Variants in FOXP1 observed in about 807,000 individuals in gnomAD.
FOXP1 encodes forkhead box protein P1.
FOXP1 carries 15 observed loss-of-function variants against 98.2 expected under a neutral mutation model. The observed-to-expected ratio is 0.15, with a 90% confidence interval of 0.10 to 0.24. The LOEUF (loss-of-function observed/expected upper bound fraction) is 0.24. Among genes scored for constraint, FOXP1 ranks in the 10% least tolerant of loss-of-function variants. FOXP1 has a pLI of 1.00. For synonymous variants in FOXP1, 371 were observed against 314.5 expected (o/e 1.18, Z -1.90); for missense variants, 633 against 848.5 (o/e 0.75, Z 3.15).
At chr3:71,374,946 A>C (rs576330885) in intron 3 of FOXP1, among the ~76,000 whole-genome samples, 6 of 152,234 alleles carry the variant, frequency 3.9e-5, no homozygotes, top group Admixed American at 6.5e-5. Flanking sequence ...TTGAACAAGA[A>C]GACTACCTGG....
chr3:71,559,610 G>T (rs1477638023), intron 2 of FOXP1, among the ~76,000 whole-genome samples: 1 of 152,194 alleles, frequency 6.6e-6, no homozygotes, highest in African/African-American at 2.4e-5. Context: ...TTGGGAGGCT[G>T]AAGCAGGGAC....
intron 11 of FOXP1, among the ~76,000 whole-genome samples, chr3:71,033,171 T>C (rs927434955): frequency 4.6e-5 from 7 of 152,058 alleles, no homozygotes; most frequent in Non-Finnish European, 8.8e-5. Flanking sequence ...CGCAAATACT[T>C]GCAAAATGCC....
At chr3:71,140,989 C>G (rs2060040842) in intron 6 of FOXP1, among the ~76,000 whole-genome samples, 1 of 151,742 alleles carries the variant, frequency 6.6e-6, no homozygotes, top group Non-Finnish European at 1.5e-5. Context: ...GTGATCCAGG[C>G]TGGGCGTGGT....
chr3:71,057,102 G>A (rs538905326), intron 7 of FOXP1, among the ~76,000 whole-genome samples: 3 of 152,138 alleles, frequency 2.0e-5, no homozygotes, highest in East Asian at 1.9e-4. Context: ...TCTGGAAAGC[G>A]GCTAAAGGCA....
At chr3:71,209,693 T>G (rs1443007752) in intron 5 of FOXP1, among the ~76,000 whole-genome samples, 1 of 152,182 alleles carries the variant, frequency 6.6e-6, no homozygotes, top group Non-Finnish European at 1.5e-5. Context: ...CTCTAAAAAT[T>G]TCCCTGATGT....
chr3:70,976,242 C>T (rs548417948), intron 17 of FOXP1, among the ~76,000 whole-genome samples: 1 of 151,928 alleles, frequency 6.6e-6, no homozygotes, highest in Non-Finnish European at 1.5e-5. Flanking sequence ...TTTGTAGAGA[C>T]AGGGTCTCGC....
intron 3 of FOXP1, among the ~76,000 whole-genome samples, chr3:71,372,329 ATTCT>A (rs2079398193): frequency 6.6e-6 from 1 of 152,102 alleles, no homozygotes; most frequent in Non-Finnish European, 1.5e-5. Context: ...GCCGAGGATC[ATTCT>A]TTAAGTCTTA....
chr3:71,536,655 G>A (rs1210213880), intron 2 of FOXP1, among the ~76,000 whole-genome samples: 2 of 147,868 alleles, frequency 1.4e-5, no homozygotes, highest in East Asian at 2.0e-4. Context: ...TAAAATCCTC[G>A]CATATAAAGG....
At position 71,112,572 on chromosome 3, in the gene FOXP1, T is replaced by G; in HGVS notation, c.246A>C (p.Lys82Asn). ...GTTGTTTGTCATTCCTCTTGGGAGATTTTAATCCACTAACTTGCTGCTGCT... is the reference window on the plus strand; with the variant it reads ...GTTGTTTGTCATTCCTCTTGGGAGAGTTTAATCCACTAACTTGCTGCTGCT... ...QQQQQQVSGL[K>N]SPKRNDKQPA... The change falls in exon 7 of 21, where the codon AAA becomes AAC. Residue 82 changes from lysine to asparagine, a missense_variant. Lys to Asn is a moderately conservative substitution (Grantham distance 94). This residue lies in a region of FOXP1 where 210 missense variants were observed against 270.6 expected (regional missense o/e 0.78). Transcript: ENST00000649528. The G allele has an allele frequency of 6.2e-7, 1 of 1,614,020 alleles. No homozygotes were observed. The highest frequency in any genetic ancestry group is 1.1e-5 in the South Asian group (1 of 91,074).
At chr3:71,312,344 T>C (rs1007864439) in intron 4 of FOXP1, among the ~76,000 whole-genome samples, 2 of 151,918 alleles carry the variant, frequency 1.3e-5, no homozygotes, top group Admixed American at 6.6e-5. Context: ...GGCAGCAGGG[T>C]GGAGGTATAG....
intron 2 of FOXP1, among the ~76,000 whole-genome samples, chr3:71,515,548 T>C (rs1404965061): frequency 1.3e-5 from 2 of 151,540 alleles, no homozygotes; most frequent in Non-Finnish European, 2.9e-5. Context: ...ACTATAATGA[T>C]CGGAGACAGG....
intron 5 of FOXP1, among the ~76,000 whole-genome samples, chr3:71,257,773 AAAC>A (rs1422393962): frequency 1.3e-5 from 2 of 152,150 alleles, no homozygotes; most frequent in African/African-American, 4.8e-5. Flanking sequence ...ATTGTGGTGA[AAAC>A]AACATGGACT....
chr3:71,062,804 A>G (rs936459813), intron 7 of FOXP1, among the ~76,000 whole-genome samples: 7 of 152,210 alleles, frequency 4.6e-5, no homozygotes, highest in Non-Finnish European at 8.8e-5. Flanking sequence ...CTTTCCTTCT[A>G]TAAGTCGTTC....
intron 5 of FOXP1, among the ~76,000 whole-genome samples, chr3:71,252,593 G>A (rs1438911134): frequency 6.6e-6 from 1 of 152,314 alleles, no homozygotes; most frequent in South Asian, 2.1e-4. Context: ...GGCCCCCTGA[G>A]TGCCAACTTC....
chr3:71,490,699 T>G (rs1202481591), intron 3 of FOXP1, among the ~76,000 whole-genome samples: 2 of 152,218 alleles, frequency 1.3e-5, no homozygotes, highest in Non-Finnish European at 2.9e-5. Flanking sequence ...AGATATCATT[T>G]TCATTATAGT....
chr3:71,536,367 A>T (rs1360713688), intron 2 of FOXP1, among the ~76,000 whole-genome samples: 1 of 152,108 alleles, frequency 6.6e-6, no homozygotes, highest in Non-Finnish European at 1.5e-5. Context: ...AAATGCTCAG[A>T]GGGTCTATGT....
chr3:71,501,293 C>CTT (rs763654842), intron 2 of FOXP1, among the ~76,000 whole-genome samples: 51 of 129,706 alleles, frequency 3.9e-4, no homozygotes, highest in Non-Finnish European at 5.3e-4. Context: ...AAATGCTTTT[C>CTT]TTTTTTTTTT....
intron 4 of FOXP1, among the ~76,000 whole-genome samples, chr3:71,336,543 T>C (rs2076695236): frequency 6.6e-6 from 1 of 152,216 alleles, no homozygotes. Flanking sequence ...AGTCAACTCA[T>C]TATTTTGAAA....
intron 4 of FOXP1, among the ~76,000 whole-genome samples, chr3:71,327,050 C>T (rs13075274): frequency 0.62 from 94,443 of 151,836 alleles, 31,475 homozygotes; most frequent in East Asian, 0.9. Flanking sequence ...TAAAGTTGAA[C>T]TGCACTGCCC....
Sources: allele counts gnomAD v4.1 joint callset (sites outside exome capture counted in the v4.1 genomes callset), GRCh38; gene constraint gnomAD v4.1.1; regional missense constraint gnomAD v4.1.1; transcripts MANE v1.5; gene names NCBI Gene and HGNC (gene_info 2026-07-23, HGNC 2026-07-21).